The following KIAA1549L variants were observed in gnomAD, a reference collection of about 807,000 sequenced individuals.
KIAA1549L encodes KIAA1549 like.
KIAA1549L carries 88 observed loss-of-function variants against 160.7 expected under a neutral mutation model. The observed-to-expected ratio is 0.55, with a 90% CI of 0.46 to 0.65. The LOEUF (loss-of-function observed/expected upper bound fraction) is 0.65, where lower values mean the gene tolerates loss of function less well. Ranked by LOEUF, KIAA1549L falls within the 30% of genes least tolerant of loss-of-function variation. KIAA1549L has a pLI of 0.00. For synonymous variants in KIAA1549L, 950 were observed against 976.7 expected (o/e 0.97, Z 0.51); for missense variants, 2,258 against 2,437.5 (o/e 0.93, Z 1.55).
intron 15 of KIAA1549L, among the ~76,000 whole-genome samples, chr11:33,614,534 A>C (rs1288380488): frequency 0.28 from 975 of 3,466 alleles, 292 homozygotes; most frequent in Non-Finnish European, 0.33. Context: ...GTAACAAGAT[A>C]TATATATATA....
At chr11:33,494,132 A>C (rs1051673742) in intron 1 of KIAA1549L, among the ~76,000 whole-genome samples, 1 of 152,148 alleles carries the variant, frequency 6.6e-6, no homozygotes, top group African/African-American at 2.4e-5. Context: ...GGGTTCCTAA[A>C]AGCCTTCCTT....
At chr11:33,457,483 C>G (rs1227089451) in intron 1 of KIAA1549L, among the ~76,000 whole-genome samples, 1 of 152,232 alleles carries the variant, frequency 6.6e-6, no homozygotes, top group Non-Finnish European at 1.5e-5. Flanking sequence ...ATTTGACAGG[C>G]TTCTCAGCTG....
intron 1 of KIAA1549L, among the ~76,000 whole-genome samples, chr11:33,433,659 A>G (rs549482386): frequency 1.3e-5 from 2 of 152,302 alleles, no homozygotes; most frequent in Admixed American, 6.5e-5. Context: ...TTGCAGCACT[A>G]TTTACAATAG....
chr11:33,528,814 G>A (rs1231093762), intron 1 of KIAA1549L, among the ~76,000 whole-genome samples: 1 of 152,126 alleles, frequency 6.6e-6, no homozygotes, highest in Non-Finnish European at 1.5e-5. Context: ...ATGGACTCTG[G>A]GGACTCCGGG....
chr11:33,480,656 C>T lies in KIAA1549L; in HGVS notation c.239-61146C>T, dbSNP rs567969265. Among the ~76,000 whole-genome samples the T allele has an allele frequency of 7.9e-5, 12 of 152,310 alleles. No individual in the cohort carries two copies. In the East Asian group the frequency reaches 2.1e-3, roughly 27 times the overall value. ...ATTTTGGGGAAGGATCTCTGGTCTT[C>T]AGTCCACATAGACACTGCAAGAAGC... On this transcript the variant is annotated intron_variant, in intron 1 of 20. Coordinates refer to ENST00000658780, the MANE Select transcript of KIAA1549L (RefSeq NM_012194.3).
intron 1 of KIAA1549L, among the ~76,000 whole-genome samples, chr11:33,522,810 G>C (rs59905929): frequency 0.018 from 2,693 of 151,806 alleles, 80 homozygotes; most frequent in African/African-American, 0.062. Context: ...GAGGCAGGAG[G>C]ATCTCTTGGT....
intron 10 of KIAA1549L, among the ~76,000 whole-genome samples, chr11:33,578,670 A>G (rs911713191): frequency 3.3e-5 from 5 of 152,206 alleles, no homozygotes; most frequent in African/African-American, 4.8e-5. Context: ...TCAGGACTGC[A>G]CAGCTTGGTC....
chr11:33,383,621 G>C (rs1409624573), intron 1 of KIAA1549L, among the ~76,000 whole-genome samples: 1 of 152,198 alleles, frequency 6.6e-6, no homozygotes, highest in Non-Finnish European at 1.5e-5. Flanking sequence ...GAACAGGCTA[G>C]GCCTGGACCC....
intron 12 of KIAA1549L, among the ~76,000 whole-genome samples, chr11:33,598,361 G>A (rs1161693812): frequency 1.3e-5 from 2 of 152,092 alleles, no homozygotes; most frequent in East Asian, 1.9e-4. Flanking sequence ...AATTGGAAAC[G>A]GAATGTTTTG....
At chr11:33,538,797 ATTC>A (rs1853950893) in intron 1 of KIAA1549L, among the ~76,000 whole-genome samples, 2 of 152,144 alleles carry the variant, frequency 1.3e-5, no homozygotes, top group Admixed American at 1.3e-4. Context: ...AGTATGAACT[ATTC>A]TTCTAGTTAA....
intron 1 of KIAA1549L, among the ~76,000 whole-genome samples, chr11:33,437,420 C>A (rs187495542): frequency 6.6e-6 from 1 of 152,168 alleles, no homozygotes; most frequent in African/African-American, 2.4e-5. Flanking sequence ...TGATGAAGAT[C>A]GAAGAGCCCT....
chr11:33,385,510 T>G (rs1850156508), intron 1 of KIAA1549L, among the ~76,000 whole-genome samples: 1 of 152,076 alleles, frequency 6.6e-6, no homozygotes, highest in Non-Finnish European at 1.5e-5. Flanking sequence ...AATGTCCCCC[T>G]AGGGAGTAAA....
At position 33,582,804 on chromosome 11, in the gene KIAA1549L, G is replaced by A. The variant is rs371923610; in HGVS notation, c.4403-534G>A. Among the ~76,000 whole-genome samples, 12 of 152,264 alleles carry A rather than the reference G, an allele frequency of 7.9e-5. No individual in the cohort carries two copies. The South Asian group carries it at 1.0e-3, about 13-fold the overall frequency. On this transcript the variant is annotated intron_variant, in intron 10 of 20. Coordinates refer to ENST00000658780, the MANE Select transcript of KIAA1549L (RefSeq NM_012194.3). ...ACAGCCTGAGTCTTTTGACTAGACC[G>A]AGGCATTTCCAAGCTCCCAGCCAGC... is the stretch of plus-strand genomic sequence containing the variant.
chr11:33,453,431 A>G (rs560519710), intron 1 of KIAA1549L, among the ~76,000 whole-genome samples: 62 of 152,326 alleles, frequency 4.1e-4, no homozygotes, highest in Admixed American at 7.8e-4. Context: ...GTGGCTGCTT[A>G]TACAAGAGGA....
intron 1 of KIAA1549L, among the ~76,000 whole-genome samples, chr11:33,531,959 C>T (rs1361601133): frequency 1.3e-5 from 2 of 152,196 alleles, no homozygotes; most frequent in Non-Finnish European, 2.9e-5. Context: ...AATGAGGCAG[C>T]TCTGTGGGCC....
In KIAA1549L at chr11:33,525,352, C is replaced by T. The variant is rs535751944; in HGVS notation, c.239-16450C>T. On this transcript the variant is annotated intron_variant, in intron 1 of 20. Transcript: ENST00000658780. ...GATTTAACCTTATCTAGAACTGAAA[C>T]GGTTTTAAGGAGCTGAGAGAAGTAT... Among the ~76,000 whole-genome samples the T allele has an allele frequency of 6.6e-5, 10 of 152,168 alleles. No individual in the cohort carries two copies. The South Asian group carries it at 1.0e-3, about 16-fold the overall frequency.
chr11:33,424,379 T>C (rs1188638423), intron 1 of KIAA1549L, among the ~76,000 whole-genome samples: 1 of 152,210 alleles, frequency 6.6e-6, no homozygotes, highest in Non-Finnish European at 1.5e-5. Context: ...AAGGCAGCTT[T>C]GCAAGAGTTT....
chr11:33,667,675 T>C (rs1001477853), intron 20 of KIAA1549L, among the ~76,000 whole-genome samples, 198 bp from the exon 21 acceptor site: 1 of 152,240 alleles, frequency 6.6e-6, no homozygotes, highest in South Asian at 2.1e-4. Flanking sequence ...ATTACAGGCG[T>C]GAGCCACCGA....
intron 12 of KIAA1549L, among the ~76,000 whole-genome samples, chr11:33,594,818 A>G (rs1337783666): frequency 6.6e-6 from 1 of 152,238 alleles, no homozygotes; most frequent in East Asian, 1.9e-4. Context: ...CAGAGCTGAA[A>G]TGTACAGAGA....
Sources: gnomAD v4.1 joint callset for allele counts (sites outside exome capture counted in the v4.1 genomes callset) on GRCh38, gnomAD v4.1.1 for gene constraint, MANE v1.5 for transcripts, NCBI Gene and HGNC (gene_info 2026-07-23, HGNC 2026-07-21) for gene names.